Variants in CLCN6 observed in about 807,000 individuals in gnomAD.
CLCN6 encodes Cl-/H+ antiporter 6.
Under a neutral mutation model 109.8 loss-of-function variants are expected in CLCN6, and 70 were observed. The ratio of observed to expected loss-of-function variants is 0.64; its 90% CI spans 0.53 to 0.78. CLCN6 has a LOEUF of 0.78. Among genes scored for constraint, CLCN6 ranks in the 30% least tolerant of loss-of-function variants. The probability of loss-of-function intolerance (pLI) is 0.00; values close to 1 mark genes in which losing one functional copy is unlikely to be tolerated. For synonymous variants in CLCN6, 444 were observed against 447.8 expected, an observed-to-expected ratio of 0.99 and a Z score of 0.11; for missense variants, 984 against 1,142.3, an observed-to-expected ratio of 0.86 and a Z score of 2.00.
At chr1:11,811,988 G>T (rs1044220196) in intron 2 of CLCN6, among the ~76,000 whole-genome samples, 1 of 152,142 alleles carries the variant, frequency 6.6e-6, no homozygotes, top group Non-Finnish European at 1.5e-5. Context: ...GATATGTGGA[G>T]GTTGTTTCCC....
In CLCN6 at chr1:11,834,652, ATGT is replaced by A. The variant is rs1229961987; in HGVS notation, c.1793+67_1793+69del. On this transcript the variant is annotated intron_variant, in intron 17 of 22. Transcript: ENST00000346436. This position sits in a 1 kb window ranked among gnomAD's most constrained non-coding sequence, Gnocchi z 4.5. The stretch of plus-strand genomic sequence containing the variant: ...ATGTATAAGCTCTGAGGCCTAAGGA[ATGT>A]TGTTATTAGGGTAGGAAACAGTAAC... 4 of 1,356,790 alleles carry A rather than the reference ATGT, an allele frequency of 2.9e-6. No homozygotes were observed. The highest frequency in any genetic ancestry group is 4.6e-5 in the East Asian group (2 of 43,548). 84.0% of individuals were successfully genotyped at this position (1,356,790 alleles called of 1,614,324 possible).
intron 8 of CLCN6, among the ~76,000 whole-genome samples, chr1:11,825,173 C>G (rs113754749): frequency 5.6e-4 from 85 of 152,294 alleles, no homozygotes; most frequent in African/African-American, 2.0e-3. Flanking sequence ...GTCTCAGTTC[C>G]CTGTGAACTG....
At position 11,837,161 on chromosome 1, in the gene CLCN6, G is replaced by A. The variant is rs765701155; in HGVS notation, c.2138+5G>A. On this transcript the variant is annotated splice_donor_5th_base_variant and intron_variant, in intron 19 of 22. Transcript: ENST00000346436. ...GCAGCAGATGCTGGAAAGGAGGTGA[G>A]AGCCTGGCGGGGCCCCCACTGCCCG... 3 of 1,611,694 alleles carry A rather than the reference G, an allele frequency of 1.9e-6. No homozygotes were observed. The South Asian group carries it at 3.3e-5, about 18-fold the overall frequency.
At chr1:11,821,102 A>AAAAC (rs1644737185) in intron 5 of CLCN6, among the ~76,000 whole-genome samples, 1 of 151,980 alleles carries the variant, frequency 6.6e-6, no homozygotes, top group African/African-American at 2.4e-5. Context: ...AAAAAAAACA[A>AAAAC]ACAAAATCAA....
Position 11,838,321 on chromosome 1 carries a change from G to T in CLCN6, c.2296-14G>T, listed in dbSNP as rs368844099. On this transcript the variant is annotated splice_polypyrimidine_tract_variant and intron_variant, in intron 20 of 22. Coordinates refer to ENST00000346436, the MANE Select transcript of CLCN6 (RefSeq NM_001286.5). The stretch of plus-strand genomic sequence containing the variant: ...GCTGCCTGAGCACGGACAGTGTCTG[G>T]GTTGGAATTGCAGAGCGCCAGCCAG... The T allele has an allele frequency of 4.3e-6, 7 of 1,612,186 alleles. No homozygotes were observed. Among genetic ancestry groups the T allele is most frequent in the Admixed American group, 3.3e-5 (2 of 60,000 alleles).
chr1:11,819,983 A>C (rs949947914), intron 5 of CLCN6, among the ~76,000 whole-genome samples: 1 of 152,066 alleles, frequency 6.6e-6, no homozygotes, highest in Admixed American at 6.6e-5. Context: ...GGAGTTAGGG[A>C]AAAAAAAGTC....
rs138068468 is a variant in CLCN6, at chr1:11,833,319, A to T, written c.1249-196A>T. Among the ~76,000 whole-genome samples, 438 of 152,236 alleles carry T rather than the reference A, an allele frequency of 2.9e-3. 5 individuals are homozygous for T. Among genetic ancestry groups the T allele is most frequent in the African/African-American group, 9.3e-3 (385 of 41,536 alleles). ...GGATGAACAAAAGGCCCTCATCCCG[A>T]TTCTTTCATCTGTGCATTCAGAATG... is the stretch of plus-strand genomic sequence containing the variant. On this transcript the variant is annotated intron_variant, in intron 13 of 22. Coordinates refer to ENST00000346436, the MANE Select transcript of CLCN6 (RefSeq NM_001286.5).
intron 2 of CLCN6, among the ~76,000 whole-genome samples, chr1:11,812,330 C>T (rs749452022): frequency 7.9e-5 from 12 of 152,186 alleles, no homozygotes; most frequent in Non-Finnish European, 1.8e-4. Flanking sequence ...GGAGGGGGCA[C>T]GGAGCTTTCA....
intron 4 of CLCN6, 64 bp downstream of exon 4, chr1:11,816,744 C>G (rs2100616728): frequency 1.6e-6 from 2 of 1,221,930 alleles, no homozygotes; most frequent in East Asian, 2.4e-5. Flanking sequence ...AGGGAAAGCC[C>G]TGGCCTGGTG....
rs1335530262 is a variant in CLCN6, at chr1:11,842,631, T to A, written c.*2408T>A. 1 of 152,656 alleles carries A rather than the reference T, an allele frequency of 6.6e-6. No homozygotes were observed. Among genetic ancestry groups the A allele is most frequent in the Admixed American group, 6.5e-5 (1 of 15,286 alleles). The allele number at this position is 152,656 out of a possible 1,614,324, so 9.5% of individuals were successfully genotyped here. A position where few individuals can be genotyped will look rare whatever the true frequency, so the allele number is the denominator to read the frequency against. ...AGCCTACGGGTGGTAAGAAGTGGTGTTTTGTGTTTCATCTCCAGCTTGGTG... is the reference window on the plus strand; with the variant it reads ...AGCCTACGGGTGGTAAGAAGTGGTGATTTGTGTTTCATCTCCAGCTTGGTG... On this transcript the variant is annotated 3_prime_UTR_variant, in exon 23 of 23. Coordinates refer to ENST00000346436, the MANE Select transcript of CLCN6 (RefSeq NM_001286.5).
intron 17 of CLCN6, 82 bp from the exon 18 acceptor site, chr1:11,835,885 A>G: frequency 1.5e-6 from 2 of 1,312,598 alleles, no homozygotes; most frequent in Middle Eastern, 2.5e-4. Flanking sequence ...TGGTCTGAGC[A>G]GGGCTGGAGA....
intron 14 of CLCN6, 21 bp downstream of exon 14, chr1:11,833,659 C>A: frequency 2.5e-6 from 4 of 1,612,446 alleles, no homozygotes; most frequent in Non-Finnish European, 3.4e-6. Context: ...GCACTGCAGC[C>A]CAATCGTGGG....
intron 1 of CLCN6, 27 bp downstream of exon 1, chr1:11,806,376 G>T: frequency 6.7e-7 from 1 of 1,490,582 alleles, no homozygotes. Context: ...GTCGGCCTGG[G>T]GAGGGGGCGG....
Position 11,824,566 on chromosome 1 carries a change from G to A in CLCN6, c.648+13G>A. ...TGGCCTCCCTCAGGTAAGATGGGCT[G>A]AGAGGGTGTGGGCCTCTGGGCAGGC... On this transcript the variant is annotated intron_variant, in intron 8 of 22. Transcript: ENST00000346436. 8.1e-6 allele frequency: 13 copies of A among 1,610,760 alleles called. No individual in the cohort carries two copies. The highest frequency in any genetic ancestry group is 9.3e-6 in the Non-Finnish European group (11 of 1,178,878).
At chr1:11,814,759 G>A (rs1175282215) in intron 2 of CLCN6, among the ~76,000 whole-genome samples, 3 of 151,976 alleles carry the variant, frequency 2.0e-5, no homozygotes, top group Non-Finnish European at 2.9e-5. Flanking sequence ...TTGGCCAGGC[G>A]CAGTGGCTCA....
chr1:11,806,688 T>C (rs1644516902), intron 1 of CLCN6: 1 of 368,592 alleles, frequency 2.7e-6, no homozygotes, highest in South Asian at 5.7e-5. Flanking sequence ...TGCTGCTGTT[T>C]TAGCTTCTCC....
chr1:11,824,925 G>C (rs565303901), intron 8 of CLCN6, among the ~76,000 whole-genome samples: 11 of 152,174 alleles, frequency 7.2e-5, no homozygotes, highest in African/African-American at 2.7e-4. Flanking sequence ...GCACAGTTCC[G>C]TGCTGATTCT....
chr1:11,832,031 T>C (rs1644889844), intron 13 of CLCN6, among the ~76,000 whole-genome samples: 1 of 152,202 alleles, frequency 6.6e-6, no homozygotes, highest in Non-Finnish European at 1.5e-5. Flanking sequence ...AAATGTTTGG[T>C]GTCTTTATTG....
chr1:11,828,843 C>G (rs1644845966), intron 12 of CLCN6, among the ~76,000 whole-genome samples: 3 of 152,208 alleles, frequency 2.0e-5, no homozygotes, highest in Admixed American at 1.3e-4. Context: ...CCCTGCCTGT[C>G]CTGACTTGGC....
Sources: allele counts gnomAD v4.1 joint callset (sites outside exome capture counted in the v4.1 genomes callset), GRCh38; gene constraint gnomAD v4.1.1; non-coding constraint Gnocchi (gnomAD v3.1); transcripts MANE v1.5; gene names NCBI Gene and HGNC (gene_info 2026-07-23, HGNC 2026-07-21).